The following FYB2 variants were observed in gnomAD, a reference collection of about 807,000 sequenced individuals.
FYB2 encodes the protein FYN binding protein 2.
A neutral mutation model predicts 94.1 loss-of-function variants in FYB2; 103 were observed. The observed-to-expected ratio is 1.09, with a 90% confidence interval of 0.93 to 1.29. FYB2 has a LOEUF of 1.29. Ranked by LOEUF, FYB2 falls within the 50% of genes most tolerant of loss-of-function variation. The pLI is 0.00. For synonymous variants in FYB2, 293 were observed against 287.9 expected, an observed-to-expected ratio of 1.02 and a Z score of -0.18; for missense variants, 896 against 841.5, an observed-to-expected ratio of 1.06 and a Z score of -0.80.
At chr1:56,734,153 T>C (rs1644775777) in intron 15 of FYB2, among the ~76,000 whole-genome samples, 1 of 152,180 alleles carries the variant, frequency 6.6e-6, no homozygotes, top group Non-Finnish European at 1.5e-5. Flanking sequence ...AATTGATCCC[T>C]TTACCATAAT....
intron 15 of FYB2, among the ~76,000 whole-genome samples, chr1:56,730,814 A>G (rs947119757): frequency 6.6e-6 from 1 of 152,130 alleles, no homozygotes; most frequent in African/African-American, 2.4e-5. Flanking sequence ...TGATACCAAA[A>G]GCAGACAAGG....
At chr1:56,792,859 C>T in intron 1 of FYB2, 56 bp from the exon 2 acceptor site, 1 of 1,495,340 alleles carries the variant, frequency 6.7e-7, no homozygotes, top group Non-Finnish European at 9.0e-7. Context: ...CAAACAACAA[C>T]AACAAAAACA....
intron 15 of FYB2, 102 bp downstream of exon 15, chr1:56,736,985 A>ATC: frequency 2.2e-6 from 2 of 889,674 alleles, no homozygotes; most frequent in South Asian, 3.1e-5. Flanking sequence ...TTTTCATTCA[A>ATC]TCTCCAAGGA....
chr1:56,746,844 C>T (rs1365329566), intron 9 of FYB2, among the ~76,000 whole-genome samples: 1 of 151,986 alleles, frequency 6.6e-6, no homozygotes. Context: ...ATAGGATATG[C>T]ATTATGTTCA....
intron 15 of FYB2, among the ~76,000 whole-genome samples, chr1:56,736,357 C>A (rs1157231495): frequency 6.7e-6 from 1 of 149,734 alleles, no homozygotes; most frequent in Non-Finnish European, 1.5e-5. Context: ...TTATTTTTAA[C>A]CAATTGATTA....
At chr1:56,740,667 C>A (rs755936888) in intron 13 of FYB2, 30 bp downstream of exon 13, 2 of 1,335,708 alleles carry the variant, frequency 1.5e-6, no homozygotes, top group East Asian at 2.3e-5. Context: ...TTAATCCCCT[C>A]GTGGAAAGGG....
intron 1 of FYB2, among the ~76,000 whole-genome samples, chr1:56,813,221 C>T (rs559844183): frequency 5.2e-4 from 79 of 152,250 alleles, no homozygotes; most frequent in Non-Finnish European, 7.2e-4. Context: ...TCCGTTCTTA[C>T]GCTGCTAATA....
At chr1:56,800,954 C>A (rs1462524960) in intron 1 of FYB2, among the ~76,000 whole-genome samples, 1 of 152,186 alleles carries the variant, frequency 6.6e-6, no homozygotes, top group Non-Finnish European at 1.5e-5. Context: ...CCTAAAACAT[C>A]AGGCCAGTGA....
At chr1:56,816,718 C>T (rs1411026038) in intron 1 of FYB2, among the ~76,000 whole-genome samples, 3 of 152,190 alleles carry the variant, frequency 2.0e-5, no homozygotes, top group Non-Finnish European at 4.4e-5. Flanking sequence ...TCTAAACCCA[C>T]CTATGTAGAC....
intron 4 of FYB2, among the ~76,000 whole-genome samples, chr1:56,784,786 T>A (rs890693111): frequency 1.4e-4 from 21 of 152,182 alleles, no homozygotes; most frequent in Admixed American, 1.3e-3. Flanking sequence ...CATCCACCCA[T>A]CAACTACATC....
chr1:56,796,008 A>G (rs1646389294), intron 1 of FYB2, among the ~76,000 whole-genome samples: 1 of 152,214 alleles, frequency 6.6e-6, no homozygotes, highest in Non-Finnish European at 1.5e-5. Context: ...AGAGACAGAA[A>G]ATAAGCAATT....
chr1:56,728,305 A>G (rs764115316), intron 15 of FYB2, among the ~76,000 whole-genome samples: 1 of 152,094 alleles, frequency 6.6e-6, no homozygotes, highest in Admixed American at 6.6e-5. Flanking sequence ...TTGATCGCCT[A>G]AATAACAGTA....
rs144649385 is a variant in FYB2, at chr1:56,758,785, C to A, written c.1064-35G>T. ...ACATAAAAAAATTATTTCAAGGCAG[C>A]TGATCCACCCATTTCTTATAGCACC... On this transcript the variant is annotated intron_variant, in intron 5 of 19. Coordinates refer to ENST00000343433, the MANE Select transcript of FYB2 (RefSeq NM_001004303.5). The A allele has an allele frequency of 8.5e-6, 13 of 1,533,148 alleles. No individual in the cohort carries two copies. In the African/African-American group the frequency reaches 1.7e-4, roughly 20 times the overall value. 95.0% of individuals were successfully genotyped at this position (1,533,148 alleles called of 1,614,324 possible). A position where few individuals can be genotyped will look rare whatever the true frequency, so the allele number is the denominator to read the frequency against.
At chr1:56,748,966 G>A (rs374953390) in intron 9 of FYB2, among the ~76,000 whole-genome samples, 1 of 150,782 alleles carries the variant, frequency 6.6e-6, no homozygotes, top group Non-Finnish European at 1.5e-5. Flanking sequence ...ATTTTTATGA[G>A]ACATAAAATT....
chr1:56,722,103 G>A (rs1418199030), intron 17 of FYB2, among the ~76,000 whole-genome samples: 1 of 152,178 alleles, frequency 6.6e-6, no homozygotes, highest in East Asian at 1.9e-4. Context: ...TGGAATATAA[G>A]GGTCTTTTCA....
At chr1:56,740,464 T>C (rs1371280576) in intron 13 of FYB2, among the ~76,000 whole-genome samples, 1 of 152,072 alleles carries the variant, frequency 6.6e-6, no homozygotes, top group Non-Finnish European at 1.5e-5. Flanking sequence ...TCTACCCTTA[T>C]TTTCAACCCT....
chr1:56,801,446 C>G (rs930142405), intron 1 of FYB2, among the ~76,000 whole-genome samples: 1 of 152,202 alleles, frequency 6.6e-6, no homozygotes, highest in Admixed American at 6.5e-5. Context: ...TCACTCCTCT[C>G]TATTACTACT....
In FYB2 at chr1:56,740,780, T is replaced by C. The variant is rs1644933389; in HGVS notation, c.1620A>G (p.Glu540=). The part of the protein sequence containing the change: ...NYPKIDLDGK[E]ALKRLQQFFK... ...AGAATTGCTGCAGTCTTTTGAGTGC[T>C]TCTTTTCCATCTAAACTGAGAGGAA... The change falls in exon 13 of 20, where the codon GAA becomes GAG. Residue 540 remains glutamate (E), a synonymous_variant. Coordinates refer to ENST00000343433, the MANE Select transcript of FYB2 (RefSeq NM_001004303.5). The C allele has an allele frequency of 3.1e-6, 5 of 1,603,232 alleles. No homozygotes were observed. The highest frequency in any genetic ancestry group is 3.4e-6 in the Non-Finnish European group (4 of 1,173,162).
At chr1:56,746,222 G>C (rs117352325) in intron 9 of FYB2, among the ~76,000 whole-genome samples, 1 of 151,976 alleles carries the variant, frequency 6.6e-6, no homozygotes, top group East Asian at 1.9e-4. Flanking sequence ...CTAGAACAGT[G>C]CTGGGCACAT....
Sources: gnomAD v4.1 joint callset for allele counts (sites outside exome capture counted in the v4.1 genomes callset) on GRCh38, gnomAD v4.1.1 for gene constraint, MANE v1.5 for transcripts, NCBI Gene and HGNC (gene_info 2026-07-23, HGNC 2026-07-21) for gene names.